DPP6: variants seen among roughly 807,000 people sequenced by gnomAD.
DPP6 encodes dipeptidyl peptidase like 6.
DPP6 carries 69 observed loss-of-function variants against 122.6 expected under a neutral mutation model. The ratio of observed to expected loss-of-function variants is 0.56; its 90% CI spans 0.46 to 0.69. The LOEUF is 0.69. DPP6 is among the 30% of genes least tolerant of loss of function. The pLI, the probability that DPP6 is intolerant of heterozygous loss-of-function variation, is 0.00. For missense variants in DPP6, 928 were observed against 1,116.9 expected (o/e 0.83, Z 2.41); for synonymous variants, 418 against 433.1 (o/e 0.97, Z 0.43).
At chr7:154,001,810 A>C (rs1241342325) in intron 1 of DPP6, among the ~76,000 whole-genome samples, 1 of 152,074 alleles carries the variant, frequency 6.6e-6, no homozygotes. Flanking sequence ...CAATGAGGGA[A>C]GGCAATCCAC....
chr7:153,973,920 C>G (rs39155), intron 1 of DPP6, among the ~76,000 whole-genome samples: 4 of 150,970 alleles, frequency 2.6e-5, no homozygotes, highest in Non-Finnish European at 4.4e-5. Context: ...TAGGGAAAGG[C>G]TGGTGTAGCT....
chr7:154,566,384 TGATTTTCATGCCTCA>T (rs1830748852), intron 4 of DPP6, among the ~76,000 whole-genome samples: 1 of 152,098 alleles, frequency 6.6e-6, no homozygotes, highest in Admixed American at 6.5e-5. Context: ...CAGGTTCAAG[TGATTTTCATGCCTCA>T]GCCTCCCAAG....
intron 8 of DPP6, among the ~76,000 whole-genome samples, chr7:154,763,407 G>T (rs964119048): frequency 6.6e-6 from 1 of 151,890 alleles, no homozygotes; most frequent in African/African-American, 2.4e-5. Flanking sequence ...AGAAAAGAAA[G>T]GAAAGAAAGA....
At chr7:154,562,237 G>A (rs564825362) in intron 4 of DPP6, among the ~76,000 whole-genome samples, 46 of 152,104 alleles carry the variant, frequency 3.0e-4, no homozygotes, top group African/African-American at 1.1e-3. Flanking sequence ...ATAAAAAGGG[G>A]TAATACATCA....
At chr7:153,827,260 T>C in the DPP6 span, among the ~76,000 whole-genome samples, 1 of 152,184 alleles carries the variant, frequency 6.6e-6, no homozygotes, top group Admixed American at 6.5e-5. Flanking sequence ...TAACAGTGTA[T>C]AAAAATATCC....
the DPP6 span, among the ~76,000 whole-genome samples, chr7:153,876,634 A>T: frequency 6.6e-6 from 1 of 152,116 alleles, no homozygotes; most frequent in Non-Finnish European, 1.5e-5. Context: ...AATTTACCCA[A>T]TAGAACAGCA....
At chr7:154,796,070 TC>T in intron 12 of DPP6, 187 bp downstream of exon 12, 1 of 871,042 alleles carries the variant, frequency 1.1e-6, no homozygotes, top group Non-Finnish European at 1.7e-6. Context: ...CCCAGAGAGC[TC>T]CAGGAGAATC....
At chr7:153,998,281 A>G (rs952798912) in intron 1 of DPP6, among the ~76,000 whole-genome samples, 6 of 152,230 alleles carry the variant, frequency 3.9e-5, no homozygotes, top group African/African-American at 1.4e-4. Flanking sequence ...GCTGAAAAAT[A>G]AGTTCCTGAA....
chr7:153,804,383 C>T, the DPP6 span, among the ~76,000 whole-genome samples: 1 of 152,046 alleles, frequency 6.6e-6, no homozygotes, highest in African/African-American at 2.4e-5. Flanking sequence ...GCTTGCTCTA[C>T]TCATGGTACC....
chr7:154,813,760 T>C (rs1036183643), intron 16 of DPP6, among the ~76,000 whole-genome samples: 3 of 152,072 alleles, frequency 2.0e-5, no homozygotes, highest in Non-Finnish European at 4.4e-5. Context: ...TTCCAGAATA[T>C]ACCAAGCAGC....
At position 154,052,468 on chromosome 7, in the gene DPP6, G is replaced by T. The variant is rs954995416; in HGVS notation, c.-353G>T. 29 of 318,100 alleles carry T rather than the reference G, an allele frequency of 9.1e-5. No homozygotes were observed. Among genetic ancestry groups the T allele is most frequent in the African/African-American group, 1.8e-4 (8 of 44,566 alleles). The allele number at this position is 318,100 out of a possible 1,614,324, so 19.7% of individuals were successfully genotyped here. On this transcript the variant is annotated 5_prime_UTR_variant, in exon 1 of 26. Transcript: ENST00000377770. This position sits in a 1 kb window ranked among gnomAD's most constrained non-coding sequence, Gnocchi z 4.8. ...GCATTTCCCTCGCTTTATGTTTTTG[G>T]TTTTTTTTCTTCCTTCAATCTCTTT...
intron 12 of DPP6, among the ~76,000 whole-genome samples, chr7:154,797,158 C>T (rs149733446): frequency 1.1e-4 from 16 of 152,218 alleles, no homozygotes; most frequent in South Asian, 1.0e-3. Context: ...TTGTAAACTC[C>T]GTTATCTATA....
the DPP6 span, among the ~76,000 whole-genome samples, chr7:153,830,699 A>G: frequency 6.6e-6 from 1 of 152,188 alleles, no homozygotes; most frequent in Admixed American, 6.5e-5. Context: ...TGTGTTACAC[A>G]TGGTCCATCA....
chr7:154,461,453 A>T (rs1821294315), intron 2 of DPP6, among the ~76,000 whole-genome samples: 1 of 152,130 alleles, frequency 6.6e-6, no homozygotes, highest in Admixed American at 6.5e-5. Flanking sequence ...ACTCTTCTCC[A>T]TGGTGGTTGT....
chr7:154,128,547 G>A (rs1278963319), intron 1 of DPP6, among the ~76,000 whole-genome samples: 1 of 152,016 alleles, frequency 6.6e-6, no homozygotes, highest in Non-Finnish European at 1.5e-5. Context: ...GACTACAGGC[G>A]CCCGCCACCG....
chr7:154,270,873 A>C (rs753661402), intron 1 of DPP6, among the ~76,000 whole-genome samples: 39 of 152,166 alleles, frequency 2.6e-4, no homozygotes, highest in Admixed American at 5.2e-4. Flanking sequence ...TCCACGCCTC[A>C]GCCCCTGTGT....
chr7:153,780,475 A>T, the DPP6 span, among the ~76,000 whole-genome samples: 1 of 152,174 alleles, frequency 6.6e-6, no homozygotes, highest in Non-Finnish European at 1.5e-5. Flanking sequence ...AGTTGGTGCC[A>T]GGTACACAAA....
chr7:153,923,169 T>A (rs981219131), intron 1 of DPP6, among the ~76,000 whole-genome samples: 1 of 152,180 alleles, frequency 6.6e-6, no homozygotes, highest in South Asian at 2.1e-4. Context: ...GATTTGAGAT[T>A]AAGCAGGCAC....
At chr7:154,154,188 G>A (rs1796569757) in intron 1 of DPP6, among the ~76,000 whole-genome samples, 1 of 152,210 alleles carries the variant, frequency 6.6e-6, no homozygotes, top group African/African-American at 2.4e-5. Flanking sequence ...AAGGTCTAGG[G>A]GAACTATTCC....
Sources: allele counts gnomAD v4.1 joint callset (sites outside exome capture counted in the v4.1 genomes callset), GRCh38; gene constraint gnomAD v4.1.1; non-coding constraint Gnocchi (gnomAD v3.1); transcripts MANE v1.5; gene names NCBI Gene and HGNC (gene_info 2026-07-23, HGNC 2026-07-21).